Variants in UGT1A8 observed in about 807,000 individuals in gnomAD.
The protein encoded by UGT1A8 is UDP glucuronosyltransferase family 1 member A8.
Under a neutral mutation model 45.3 loss-of-function variants are expected in UGT1A8, and 39 were observed. The ratio of observed to expected loss-of-function variants is 0.86; its 90% CI spans 0.67 to 1.12. UGT1A8 has a LOEUF of 1.12. Among genes scored for constraint, UGT1A8 ranks in the 50% most tolerant of loss-of-function variants. The pLI is 0.00. For synonymous variants in UGT1A8, 275 were observed against 249.2 expected, an observed-to-expected ratio of 1.10 and a Z score of -0.97; for missense variants, 719 against 664.9, an observed-to-expected ratio of 1.08 and a Z score of -0.90.
At chr2:233,645,489 C>T (rs2073575924) in intron 1 of UGT1A8, among the ~76,000 whole-genome samples, 2 of 152,188 alleles carry the variant, frequency 1.3e-5, no homozygotes, top group Admixed American at 1.3e-4. Flanking sequence ...CACCTATGGG[C>T]CTGTAAAATC....
At chr2:233,667,624 T>A (rs571933990) in intron 1 of UGT1A8, among the ~76,000 whole-genome samples, 10 of 152,284 alleles carry the variant, frequency 6.6e-5, no homozygotes, top group South Asian at 2.1e-4. Flanking sequence ...AATTTTGGAA[T>A]CTACTCATCT....
chr2:233,754,887 T>G (rs1212362818), intron 1 of UGT1A8: 2 of 1,351,202 alleles, frequency 1.5e-6, no homozygotes, highest in Non-Finnish European at 2.0e-6. Flanking sequence ...TCCCAGGGAG[T>G]TCCTCTGACC....
intron 1 of UGT1A8, among the ~76,000 whole-genome samples, chr2:233,707,513 AT>A (rs1477564878): frequency 2.1e-5 from 3 of 144,262 alleles, no homozygotes. Context: ...CATAAATAGA[AT>A]TTTACTGTTT....
chr2:233,682,173 C>T lies in UGT1A8; in HGVS notation c.855+63611C>T, dbSNP rs2074561075. 1.1e-5 allele frequency: 18 copies of T among 1,614,200 alleles called. No homozygotes were observed. The East Asian group carries it at 4.0e-4, about 36-fold the overall frequency. ...AATTGCACAGTGAAGACTTACTCAACCTCATACACTCTGGAGGATCAGGAC... is the reference window on the plus strand; with the variant it reads ...AATTGCACAGTGAAGACTTACTCAATCTCATACACTCTGGAGGATCAGGAC... On this transcript the variant is annotated intron_variant, in intron 1 of 4. Coordinates refer to ENST00000373450, the MANE Select transcript of UGT1A8 (RefSeq NM_019076.5).
At chr2:233,756,295 GTA>G (rs1308500141) in intron 1 of UGT1A8, 2 of 152,134 alleles carry the variant, frequency 1.3e-5, no homozygotes, top group Non-Finnish European at 2.9e-5. Context: ...CACAGTATTT[GTA>G]TATAACCTAC....
At chr2:233,637,517 AT>A (rs2125459929) in intron 1 of UGT1A8, 1 of 1,443,100 alleles carries the variant, frequency 6.9e-7, no homozygotes, top group East Asian at 2.3e-5. Context: ...TTTTGTGCGA[AT>A]TCATGTACTC....
At chr2:233,674,645 T>C (rs939691512) in intron 1 of UGT1A8, among the ~76,000 whole-genome samples, 1 of 117,198 alleles carries the variant, frequency 8.5e-6, no homozygotes, top group Non-Finnish European at 2.1e-5. Context: ...TGATTATAAA[T>C]ATCTTTTATG....
At chr2:233,677,650 T>A (rs1372897223) in intron 1 of UGT1A8, among the ~76,000 whole-genome samples, 1 of 151,980 alleles carries the variant, frequency 6.6e-6, no homozygotes, top group Non-Finnish European at 1.5e-5. Context: ...CCAGTTAGAA[T>A]GGCTGTTATT....
At chr2:233,679,436 C>G (rs752875090) in intron 1 of UGT1A8, among the ~76,000 whole-genome samples, 5 of 152,206 alleles carry the variant, frequency 3.3e-5, no homozygotes, top group Admixed American at 6.5e-5. Context: ...GCAGTCCTGA[C>G]TGTAAACTTG....
intron 1 of UGT1A8, chr2:233,744,008 G>T (rs1692645925): frequency 1.7e-6 from 2 of 1,163,288 alleles, no homozygotes; most frequent in South Asian, 2.8e-5. Flanking sequence ...CGGAGACCTG[G>T]GCCGCCTGGA....
At chr2:233,735,104 G>A (rs543014633) in intron 1 of UGT1A8, among the ~76,000 whole-genome samples, 1 of 152,204 alleles carries the variant, frequency 6.6e-6, no homozygotes, top group Non-Finnish European at 1.5e-5. Context: ...GTCTAATATC[G>A]ACAGTGGGAT....
Position 233,744,060 on chromosome 2 carries a change from C to A in UGT1A8, c.856-22974C>A, listed in dbSNP as rs1280590393. 1.7e-5 allele frequency: 10 copies of A among 571,720 alleles called. No homozygotes were observed. The African/African-American group carries it at 2.0e-4, about 11-fold the overall frequency. 35.4% of individuals were successfully genotyped at this position (571,720 alleles called of 1,614,324 possible). On this transcript the variant is annotated intron_variant, in intron 1 of 4. Coordinates refer to ENST00000373450, the MANE Select transcript of UGT1A8 (RefSeq NM_019076.5). Reference sequence around the variant, plus strand: ...CGCAGCCACATCTCATTGGTCGAGGCCTATGAGCGCCTCGCATCCCAAGAT... The same window carrying A: ...CGCAGCCACATCTCATTGGTCGAGGACTATGAGCGCCTCGCATCCCAAGAT...
At chr2:233,655,093 A>AAAG (rs2073828278) in intron 1 of UGT1A8, among the ~76,000 whole-genome samples, 1 of 152,200 alleles carries the variant, frequency 6.6e-6, no homozygotes, top group South Asian at 2.1e-4. Flanking sequence ...TCTCTCAAAA[A>AAAG]AAAGAAAGAA....
intron 1 of UGT1A8, chr2:233,755,024 G>C (rs533329516): frequency 1.5e-6 from 2 of 1,306,520 alleles, no homozygotes; most frequent in Admixed American, 3.8e-5. Context: ...GGTCCTTGAA[G>C]GGCCTGCCGC....
chr2:233,725,707 A>G (rs1000435706), intron 1 of UGT1A8, among the ~76,000 whole-genome samples: 2 of 152,208 alleles, frequency 1.3e-5, no homozygotes, highest in Non-Finnish European at 2.9e-5. Flanking sequence ...GTAGTTAGTG[A>G]CTACCATATG....
intron 1 of UGT1A8, among the ~76,000 whole-genome samples, chr2:233,684,328 G>A (rs1575432650): frequency 6.6e-6 from 1 of 152,142 alleles, no homozygotes. Flanking sequence ...GTTGTAGGAC[G>A]CTAAGAGGAT....
intron 1 of UGT1A8, among the ~76,000 whole-genome samples, chr2:233,632,480 T>TCCCA (rs2073207887): frequency 6.6e-6 from 1 of 152,218 alleles, no homozygotes; most frequent in African/African-American, 2.4e-5. Context: ...TGGAATGATT[T>TCCCA]TCCATTTGTT....
intron 1 of UGT1A8, 47 bp downstream of exon 1, chr2:233,618,609 A>G: frequency 1.9e-6 from 3 of 1,543,128 alleles, no homozygotes; most frequent in Non-Finnish European, 2.6e-6. Flanking sequence ...TGGCTTTGGA[A>G]ATTAAAAAAA....
In UGT1A8 at chr2:233,772,329, G is replaced by T; in HGVS notation, c.1363G>T (p.Ala455Ser). The change falls in exon 5 of 5, where the codon GCC becomes TCC. Residue 455 changes from alanine to serine, a missense_variant. Coordinates refer to ENST00000373450, the MANE Select transcript of UGT1A8 (RefSeq NM_019076.5). Reference protein sequence around the residue: ...KDRPVEPLDLAVFWVEFVMRH... With the variant: ...KDRPVEPLDLSVFWVEFVMRH... ...CCGCCCGGTGGAGCCGCTGGACCTG[G>T]CCGTGTTCTGGGTGGAGTTTGTGAT... 6.2e-7 allele frequency: 1 copy of T among 1,614,164 alleles called. No individual in the cohort carries two copies. The highest frequency in any genetic ancestry group is 8.5e-7 in the Non-Finnish European group (1 of 1,180,030).
Sources: gnomAD v4.1 joint callset for allele counts (sites outside exome capture counted in the v4.1 genomes callset) on GRCh38, gnomAD v4.1.1 for gene constraint, MANE v1.5 for transcripts, NCBI Gene and HGNC (gene_info 2026-07-23, HGNC 2026-07-21) for gene names.